The following PRKCE variants were observed in gnomAD, a reference collection of about 807,000 sequenced individuals.
PRKCE encodes protein kinase C epsilon type.
A neutral mutation model predicts 85.4 loss-of-function variants in PRKCE; 16 were observed. That is an observed-to-expected ratio of 0.19 (90% confidence interval 0.13 to 0.28). The LOEUF (loss-of-function observed/expected upper bound fraction) is 0.28, where lower values mean the gene tolerates loss of function less well. Among genes scored for constraint, PRKCE ranks in the 10% least tolerant of loss-of-function variants. The pLI, the probability that PRKCE is intolerant of heterozygous loss-of-function variation, is 1.00. For missense variants in PRKCE, 573 were observed against 975.2 expected, an observed-to-expected ratio of 0.59 and a Z score of 5.49; for synonymous variants, 388 against 371.5, an observed-to-expected ratio of 1.04 and a Z score of -0.51.
intron 14 of PRKCE, among the ~76,000 whole-genome samples, chr2:46,162,059 G>A (rs188757776): frequency 1.3e-5 from 2 of 152,152 alleles, no homozygotes; most frequent in South Asian, 2.1e-4. Flanking sequence ...CCACTAACAC[G>A]CAGGCATTGC....
intron 1 of PRKCE, among the ~76,000 whole-genome samples, chr2:45,736,763 G>T (rs1406768986): frequency 6.6e-6 from 1 of 152,204 alleles, no homozygotes; most frequent in Admixed American, 6.5e-5. Context: ...TCCAGTAGAT[G>T]TGAAGGACAT....
chr2:45,980,437 A>G (rs1702795768), intron 5 of PRKCE, 56 bp downstream of exon 5: 1 of 1,495,112 alleles, frequency 6.7e-7, no homozygotes, highest in South Asian at 1.1e-5. Context: ...CCCTCCCTTC[A>G]CTGCCTCTTC....
At chr2:45,808,451 C>T (rs1468911278) in intron 1 of PRKCE, among the ~76,000 whole-genome samples, 1 of 152,202 alleles carries the variant, frequency 6.6e-6, no homozygotes, top group Non-Finnish European at 1.5e-5. Flanking sequence ...CTTTTCACAT[C>T]ATTGGAGGAA....
At chr2:45,908,550 A>G (rs566038839) in intron 2 of PRKCE, among the ~76,000 whole-genome samples, 14 of 152,232 alleles carry the variant, frequency 9.2e-5, no homozygotes, top group Non-Finnish European at 1.3e-4. Context: ...CTGCATTTCA[A>G]ACCAGCTCCT....
chr2:46,097,436 C>T (rs895212704), intron 11 of PRKCE, among the ~76,000 whole-genome samples: 4 of 150,670 alleles, frequency 2.7e-5, no homozygotes, highest in South Asian at 2.1e-4. Context: ...AGGAGAATGG[C>T]GTGAACCTGG....
At chr2:46,019,796 T>C (rs1459107502) in intron 10 of PRKCE, among the ~76,000 whole-genome samples, 1 of 151,906 alleles carries the variant, frequency 6.6e-6, no homozygotes, top group Non-Finnish European at 1.5e-5. Flanking sequence ...GGAATATATT[T>C]ACCCATTCTC....
At chr2:46,000,253 G>C (rs900363872) in intron 6 of PRKCE, among the ~76,000 whole-genome samples, 1 of 151,544 alleles carries the variant, frequency 6.6e-6, no homozygotes, top group African/African-American at 2.4e-5. Flanking sequence ...TTAGTAATGT[G>C]AGTAACGTGT....
intron 11 of PRKCE, among the ~76,000 whole-genome samples, chr2:46,122,420 G>A (rs966846982): frequency 1.3e-5 from 2 of 151,982 alleles, no homozygotes; most frequent in Non-Finnish European, 2.9e-5. Context: ...TAGTAGACGG[G>A]GTTTCGCCAT....
intron 6 of PRKCE, among the ~76,000 whole-genome samples, chr2:45,992,994 A>G (rs987853723): frequency 3.3e-5 from 5 of 152,190 alleles, no homozygotes; most frequent in South Asian, 2.1e-4. Flanking sequence ...AAGCAGATCT[A>G]TTTCTTCCCG....
chr2:45,702,356 T>C (rs1572989990), intron 1 of PRKCE, among the ~76,000 whole-genome samples: 1 of 152,168 alleles, frequency 6.6e-6, no homozygotes, highest in East Asian at 1.9e-4. Flanking sequence ...GGCAAGCTAT[T>C]AGCCTTTCTG....
chr2:45,787,886 C>T lies in PRKCE; in HGVS notation c.349-55114C>T, dbSNP rs373286817. ...GTGCAGGGGAGTGATATGTAACCAG[C>T]GGCCCATCCAGAGCATTGCGATCCT... On this transcript the variant is annotated intron_variant, in intron 1 of 14. Coordinates refer to ENST00000306156, the MANE Select transcript of PRKCE (RefSeq NM_005400.3). Among the ~76,000 whole-genome samples the T allele has an allele frequency of 4.6e-5, 7 of 152,288 alleles. No individual in the cohort carries two copies. In the South Asian group the frequency reaches 8.3e-4, roughly 18 times the overall value.
intron 2 of PRKCE, among the ~76,000 whole-genome samples, chr2:45,938,723 A>T: frequency 7.6e-6 from 1 of 131,492 alleles, no homozygotes; most frequent in East Asian, 2.0e-4. Context: ...TCTTAGAACA[A>T]AGTAAACAAA....
chr2:45,838,951 A>T (rs1238465111), intron 1 of PRKCE, among the ~76,000 whole-genome samples: 3 of 152,088 alleles, frequency 2.0e-5, no homozygotes, highest in African/African-American at 2.4e-5. Context: ...TGACTATTTT[A>T]TGCCGGTGCC....
rs532772674 is a variant in PRKCE at position 45,947,974 on chromosome 2, G to A, written c.413-28455G>A. Among the ~76,000 whole-genome samples the A allele has an allele frequency of 7.3e-4, 111 of 152,294 alleles. 3 individuals are homozygous for A. Among genetic ancestry groups the A allele is most frequent in the Middle Eastern group, 3.4e-3 (1 of 294 alleles). The stretch of plus-strand genomic sequence containing the variant: ...ATGTGAAGTCCGCAGTGTTGTTTTT[G>A]TACAGTAATAAGACTGACCTGCCAC... On this transcript the variant is annotated intron_variant, in intron 2 of 14. Coordinates refer to ENST00000306156, the MANE Select transcript of PRKCE (RefSeq NM_005400.3).
chr2:45,735,594 T>C (rs1263472247), intron 1 of PRKCE, among the ~76,000 whole-genome samples: 1 of 152,238 alleles, frequency 6.6e-6, no homozygotes, highest in African/African-American at 2.4e-5. Flanking sequence ...GGCACAGGCC[T>C]GTGTGAGTGT....
At chr2:46,057,941 G>A (rs1666752877) in intron 10 of PRKCE, among the ~76,000 whole-genome samples, 1 of 152,198 alleles carries the variant, frequency 6.6e-6, no homozygotes, top group Admixed American at 6.5e-5. Flanking sequence ...TAACTGAAGT[G>A]AAGGAAAGGC....
Position 46,145,034 on chromosome 2 carries a change from A to G in PRKCE, c.1593-59A>G, listed in dbSNP as rs894357779. 115 of 1,589,874 alleles carry G rather than the reference A, an allele frequency of 7.2e-5. No homozygotes were observed. Among genetic ancestry groups the G allele is most frequent in the Non-Finnish European group, 9.7e-5 (114 of 1,172,372 alleles). On this transcript the variant is annotated intron_variant, in intron 11 of 14. Transcript: ENST00000306156. The surrounding 1 kb of genome is among the most constrained non-coding windows in gnomAD (Gnocchi z 4.6). ...TAAGATAGGCACATACCTCCAACTC[A>G]GGAAGACTATATTGGGGTGAGTGAC...
chr2:46,013,071 G>A (rs539758682), intron 10 of PRKCE, among the ~76,000 whole-genome samples: 3 of 152,320 alleles, frequency 2.0e-5, no homozygotes, highest in East Asian at 3.9e-4. Context: ...TTAGCTTTAT[G>A]TAACAGATGC....
intron 11 of PRKCE, among the ~76,000 whole-genome samples, chr2:46,104,596 A>G (rs533964945): frequency 3.9e-5 from 6 of 152,214 alleles, no homozygotes; most frequent in Admixed American, 6.5e-5. Flanking sequence ...TCCTCTTATT[A>G]AGAGGCTAAA....
Sources: allele counts gnomAD v4.1 joint callset (sites outside exome capture counted in the v4.1 genomes callset), GRCh38; gene constraint gnomAD v4.1.1; non-coding constraint Gnocchi (gnomAD v3.1); transcripts MANE v1.5; gene names NCBI Gene and HGNC (gene_info 2026-07-23, HGNC 2026-07-21).